The following ATXN1 variants were observed in gnomAD, a reference collection of about 807,000 sequenced individuals.
ATXN1 encodes the protein ataxin-1.
Under a neutral mutation model 56.4 loss-of-function variants are expected in ATXN1, and 8 were observed. The ratio of observed to expected loss-of-function variants is 0.14; its 90% CI spans 0.08 to 0.26. The LOEUF (loss-of-function observed/expected upper bound fraction) is 0.26, where lower values mean the gene tolerates loss of function less well. ATXN1 is among the 10% of genes least tolerant of loss of function. The pLI is 1.00. For synonymous variants in ATXN1, 514 were observed against 494.6 expected (o/e 1.04, Z -0.52); for missense variants, 987 against 1,106.5 (o/e 0.89, Z 1.53).
chr6:16,726,218 T>A (rs1382488865), intron 2 of ATXN1, among the ~76,000 whole-genome samples: 3 of 151,656 alleles, frequency 2.0e-5, no homozygotes, highest in African/African-American at 7.3e-5. Context: ...CCATCTCTAC[T>A]AAAATACAAA....
Position 16,327,859 on chromosome 6 carries a change from G to C in ATXN1, c.452C>G (p.Thr151Ser). ...SFIPSQLIPP[T>S]ANPVTSAVAS... is the part of the protein sequence containing the mutation. ...CACTGCACTGGTGACGGGGTTGGCG[G>C]TTGGGGGGATCAGCTGTGATGGGAT... The change falls in exon 7 of 8, where the codon ACC (threonine) becomes AGC (serine). Residue 151 changes from threonine to serine, a missense_variant. Coordinates refer to ENST00000436367, the MANE Select transcript of ATXN1 (RefSeq NM_001128164.2). The C allele has an allele frequency of 6.2e-7, 1 of 1,607,736 alleles. No individual in the cohort carries two copies. The highest frequency in any genetic ancestry group is 8.5e-7 in the Non-Finnish European group (1 of 1,179,946).
rs199744696 is a variant in ATXN1 at position 16,327,702 on chromosome 6, C to A, written c.609G>T (p.Gln203His). ...GATGCTGATGCTGCTGCTGCTGCTG[C>A]TGCTGCTGCTGCTGCTGCTGCTCAG... is the stretch of plus-strand genomic sequence containing the variant. The part of the protein sequence containing the change: ...HKAEQQQQQQ[Q>H]QQQQQHQHQQ... Residue 203 changes from glutamine (Q) to histidine (H), a missense_variant, in exon 7 of 8, where the codon CAG (glutamine) becomes CAT (histidine). Coordinates refer to ENST00000436367, the MANE Select transcript of ATXN1 (RefSeq NM_001128164.2). The A allele has an allele frequency of 5.6e-4, 891 of 1,599,578 alleles. No homozygotes were observed. The highest frequency in any genetic ancestry group is 7.4e-4 in the African/African-American group (55 of 74,288).
At chr6:16,658,103 G>GAAGA (rs1386195456) in intron 2 of ATXN1, among the ~76,000 whole-genome samples, 1 of 151,850 alleles carries the variant, frequency 6.6e-6, no homozygotes, top group Non-Finnish European at 1.5e-5. Flanking sequence ...GTGTGGGAAG[G>GAAGA]AAGAAAGAAA....
intron 2 of ATXN1, among the ~76,000 whole-genome samples, chr6:16,698,772 T>C (rs972451606): frequency 2.0e-5 from 3 of 151,976 alleles, no homozygotes; most frequent in Non-Finnish European, 2.9e-5. Flanking sequence ...AAACAGGCTG[T>C]GTGTTGTAGG....
intron 6 of ATXN1, among the ~76,000 whole-genome samples, chr6:16,343,343 CAAATAAAT>C (rs151139733): frequency 1.3e-5 from 2 of 152,090 alleles, no homozygotes; most frequent in South Asian, 2.1e-4. Flanking sequence ...GACTCTGTCT[CAAATAAAT>C]AAATAAATAA....
chr6:16,538,966 A>T (rs1581830957), intron 4 of ATXN1, among the ~76,000 whole-genome samples: 1 of 152,112 alleles, frequency 6.6e-6, no homozygotes. Flanking sequence ...GATTACAGGC[A>T]TGAGTCACTG....
chr6:16,504,582 A>G (rs1017331432), intron 5 of ATXN1, among the ~76,000 whole-genome samples: 18 of 152,174 alleles, frequency 1.2e-4, no homozygotes, highest in Middle Eastern at 3.2e-3. Context: ...TGTTTTTCAT[A>G]TAATGATCAC....
chr6:16,340,468 T>A (rs1015664401), intron 6 of ATXN1, among the ~76,000 whole-genome samples: 4 of 152,214 alleles, frequency 2.6e-5, no homozygotes, highest in African/African-American at 9.6e-5. Context: ...AGAAGCCCCA[T>A]GTCTGGACCC....
chr6:16,605,026 C>A (rs1048459591), intron 3 of ATXN1, among the ~76,000 whole-genome samples: 16 of 152,154 alleles, frequency 1.1e-4, no homozygotes, highest in African/African-American at 3.9e-4. Flanking sequence ...GTTAAACACA[C>A]TAGAGACATT....
intron 4 of ATXN1, among the ~76,000 whole-genome samples, chr6:16,523,628 A>G (rs1761337253): frequency 6.6e-6 from 1 of 152,198 alleles, no homozygotes; most frequent in African/African-American, 2.4e-5. Flanking sequence ...CTTTCCCAAA[A>G]TGGTATACCC....
At position 16,630,908 on chromosome 6, in the gene ATXN1, G is replaced by A. The variant is rs1207893868; in HGVS notation, c.-489+26868C>T. Among the ~76,000 whole-genome samples the A allele has an allele frequency of 2.0e-5, 3 of 152,176 alleles. No individual in the cohort carries two copies. The East Asian group carries it at 5.8e-4, about 29-fold the overall frequency. On this transcript the variant is annotated intron_variant, in intron 3 of 7. Coordinates refer to ENST00000436367, the MANE Select transcript of ATXN1 (RefSeq NM_001128164.2). ...AATGGCTCATGTGTCTGCCAGAAAT[G>A]TACCCAGTAATAATTTGCATTTCTG...
intron 6 of ATXN1, among the ~76,000 whole-genome samples, chr6:16,329,938 C>T (rs1760941278): frequency 6.6e-6 from 1 of 152,202 alleles, no homozygotes; most frequent in African/African-American, 2.4e-5. Context: ...GTGATTGCTT[C>T]CACAGGTAGC....
chr6:16,326,717 T>C lies in ATXN1; in HGVS notation c.1594A>G (p.Asn532Asp). 1 of 1,613,550 alleles carries C rather than the reference T, an allele frequency of 6.2e-7. No individual in the cohort carries two copies. Among genetic ancestry groups the C allele is most frequent in the Non-Finnish European group, 8.5e-7 (1 of 1,179,994 alleles). ...GTGACCAGGGCCTCAGGGTTGAAGT[T>C]CTCGCTCTTGGGAAGGGCGGTGGTG... ...FVTTALPKSE[N>D]FNPEALVTQA... The change falls in exon 7 of 8, where the codon AAC becomes GAC. Residue 532 changes from asparagine to aspartate, a missense_variant. Transcript: ENST00000436367. This position sits in a 1 kb window ranked among gnomAD's most constrained non-coding sequence, Gnocchi z 6.6.
intron 2 of ATXN1, among the ~76,000 whole-genome samples, chr6:16,742,432 CCTCCCCTTGGAA>C (rs1446292633): frequency 6.6e-6 from 1 of 152,194 alleles, no homozygotes; most frequent in Non-Finnish European, 1.5e-5. Context: ...GTCATTTCTG[CCTCCCCTTGGAA>C]CCTGCCAGGG....
chr6:16,434,090 TATA>T (rs1759341369), intron 6 of ATXN1, among the ~76,000 whole-genome samples: 1 of 152,196 alleles, frequency 6.6e-6, no homozygotes, highest in Admixed American at 6.5e-5. Flanking sequence ...AATTGGCATT[TATA>T]ATATTTGTGG....
At chr6:16,427,143 C>A (rs756769738) in intron 6 of ATXN1, among the ~76,000 whole-genome samples, 1 of 152,186 alleles carries the variant, frequency 6.6e-6, no homozygotes, top group South Asian at 2.1e-4. Flanking sequence ...ACAGATGTGG[C>A]AGACATCCCT....
chr6:16,613,668 TAAA>T lies in ATXN1; in HGVS notation c.-488-27764_-488-27762del, dbSNP rs547392239. Among the ~76,000 whole-genome samples, 510 of 151,530 alleles carry T rather than the reference TAAA, an allele frequency of 3.4e-3. 1 individual carries two copies. Among genetic ancestry groups the T allele is most frequent in the African/African-American group, 0.012 (484 of 41,300 alleles). ...TGAGACCCCATCTCTACAAAAAAGT[TAAA>T]AAAGAAAAAGAGCCAGGCATAGTGG... On this transcript the variant is annotated intron_variant, in intron 3 of 7. Coordinates refer to ENST00000436367, the MANE Select transcript of ATXN1 (RefSeq NM_001128164.2).
intron 3 of ATXN1, among the ~76,000 whole-genome samples, chr6:16,616,524 A>G (rs899567436): frequency 1.4e-5 from 2 of 146,568 alleles, no homozygotes; most frequent in Non-Finnish European, 3.0e-5. Flanking sequence ...TGGGTGACAG[A>G]AGGAGACTGT....
intron 6 of ATXN1, among the ~76,000 whole-genome samples, chr6:16,447,652 T>A (rs1759662987): frequency 6.6e-6 from 1 of 152,270 alleles, no homozygotes. Context: ...CTACTGCGCC[T>A]GGCCTAATAG....
Sources: gnomAD v4.1 joint callset for allele counts (sites outside exome capture counted in the v4.1 genomes callset) on GRCh38, gnomAD v4.1.1 for gene constraint, Gnocchi (gnomAD v3.1) non-coding constraint, MANE v1.5 for transcripts, NCBI Gene and HGNC (gene_info 2026-07-23, HGNC 2026-07-21) for gene names.